The following UCK2 variants were observed in gnomAD, a reference collection of about 807,000 sequenced individuals.
UCK2 encodes the protein uridine-cytidine kinase 2, also known as cytidine monophosphokinase 2.
Under a neutral mutation model 30.8 loss-of-function variants are expected in UCK2, and 6 were observed. That is an observed-to-expected ratio of 0.19 (90% CI 0.11 to 0.38). The LOEUF is 0.38. UCK2 is among the 10% of genes least tolerant of loss of function. UCK2 has a pLI of 1.00. For missense variants in UCK2, 210 were observed against 339.8 expected (o/e 0.62, Z 3.00); for synonymous variants, 125 against 133.6 (o/e 0.94, Z 0.45).
intron 1 of UCK2, among the ~76,000 whole-genome samples, chr1:165,835,892 C>T (rs1030953481): frequency 3.3e-5 from 5 of 152,206 alleles, no homozygotes; most frequent in South Asian, 2.1e-4. Context: ...TATTTCTTTT[C>T]GATTGCATTA....
chr1:165,860,054 A>G (rs1464330586), intron 1 of UCK2, among the ~76,000 whole-genome samples: 4 of 152,148 alleles, frequency 2.6e-5, no homozygotes, highest in Non-Finnish European at 5.9e-5. Context: ...TCAAGCCACC[A>G]TCATATTTTG....
At chr1:165,896,146 A>G (rs1441087783) in intron 3 of UCK2, 44 bp from the exon 4 acceptor site, 1 of 1,611,624 alleles carries the variant, frequency 6.2e-7, no homozygotes, top group Non-Finnish European at 8.5e-7. Flanking sequence ...GTCCCTTGCT[A>G]GCCCCTGCCT....
intron 1 of UCK2, among the ~76,000 whole-genome samples, chr1:165,845,431 T>C (rs1406046239): frequency 6.6e-6 from 1 of 152,212 alleles, no homozygotes; most frequent in Non-Finnish European, 1.5e-5. Context: ...GTAGTACTTA[T>C]AAAATGAATG....
chr1:165,848,679 C>T (rs1471891928), intron 1 of UCK2, among the ~76,000 whole-genome samples: 1 of 151,756 alleles, frequency 6.6e-6, no homozygotes, highest in Non-Finnish European at 1.5e-5. Context: ...CACACACACC[C>T]CCAAAAACCC....
chr1:165,856,740 T>C (rs1450304258), intron 1 of UCK2, among the ~76,000 whole-genome samples: 2 of 152,158 alleles, frequency 1.3e-5, no homozygotes, highest in African/African-American at 2.4e-5. Flanking sequence ...GTCTTAGGCT[T>C]ATCCAGTGGG....
chr1:165,896,892 C>G (rs988664399), intron 4 of UCK2, among the ~76,000 whole-genome samples: 1 of 152,192 alleles, frequency 6.6e-6, no homozygotes, highest in Non-Finnish European at 1.5e-5. Flanking sequence ...TGTGCTAAGT[C>G]CCTGTGCTTG....
At chr1:165,885,349 A>G (rs1377299427) in intron 1 of UCK2, 1 of 398,470 alleles carries the variant, frequency 2.5e-6, no homozygotes, top group African/African-American at 2.1e-5. Flanking sequence ...TTGTAATGGA[A>G]TTAAATGAGA....
chr1:165,827,705 G>T lies in UCK2; in HGVS notation c.-129G>T. 1 of 813,916 alleles carries T rather than the reference G, an allele frequency of 1.2e-6. No homozygotes were observed. 50.4% of individuals were successfully genotyped at this position (813,916 alleles called of 1,614,324 possible). On this transcript the variant is annotated 5_prime_UTR_variant, in exon 1 of 7. Transcript: ENST00000367879. The stretch of plus-strand genomic sequence containing the variant: ...ACCGGGCTCCGAGCGGCTCGCAGGC[G>T]AGCGACAGCGGCCTCAGCCCCGGCA...
Position 165,908,514 on chromosome 1 carries a change from GTCT to G in UCK2, c.*695_*697del. ...GGAAGAGGCCCACTGAGGAGAACAA[GTCT>G]TCTGCATTTTCTTCCTGCCCTGCTC... is the stretch of plus-strand genomic sequence containing the variant. On this transcript the variant is annotated 3_prime_UTR_variant, in exon 7 of 7. Transcript: ENST00000367879. 6.7e-6 allele frequency: 1 copy of G among 149,264 alleles called. No homozygotes were observed. Among genetic ancestry groups the G allele is most frequent in the East Asian group, 2.0e-4 (1 of 5,082 alleles). The allele number at this position is 149,264 out of a possible 1,614,324, so 9.2% of individuals were successfully genotyped here. A position where few individuals can be genotyped will look rare whatever the true frequency, so the allele number is the denominator to read the frequency against.
intron 1 of UCK2, among the ~76,000 whole-genome samples, chr1:165,887,812 G>A (rs1335637909): frequency 1.3e-5 from 2 of 151,936 alleles, no homozygotes; most frequent in Non-Finnish European, 2.9e-5. Context: ...GAGAGCCTTG[G>A]TTTTGTAACA....
intron 1 of UCK2, among the ~76,000 whole-genome samples, chr1:165,863,879 A>G (rs919267531): frequency 2.0e-5 from 3 of 152,210 alleles, no homozygotes; most frequent in African/African-American, 7.2e-5. Context: ...CATGTATTAT[A>G]TATCACTTAT....
chr1:165,859,566 A>G lies in UCK2; in HGVS notation c.100-30638A>G, dbSNP rs145956315. Among the ~76,000 whole-genome samples, 462 of 152,216 alleles carry G rather than the reference A, an allele frequency of 3.0e-3. 3 individuals carry two copies. Among genetic ancestry groups the G allele is most frequent in the African/African-American group, 0.011 (441 of 41,510 alleles). The stretch of plus-strand genomic sequence containing the variant: ...CCGGGAGCTGTGGCTCACGTCTGTA[A>G]TCCTAGCACTTTGGGAGGCCAGGGT... On this transcript the variant is annotated intron_variant, in intron 1 of 6. Coordinates refer to ENST00000367879, the MANE Select transcript of UCK2 (RefSeq NM_012474.5).
rs993342994 is a variant in UCK2 at position 165,833,672 on chromosome 1, T to G, written c.99+5740T>G. 3.9e-5 allele frequency among the ~76,000 whole-genome samples: 6 copies of G among 152,302 alleles called. No individual in the cohort carries two copies. The South Asian group carries it at 6.2e-4, about 16-fold the overall frequency. ...TTCTGTGATGGAGACAGATTGTCTT[T>G]GGGAATTTCACTGCTGAAGACCTGA... On this transcript the variant is annotated intron_variant, in intron 1 of 6. Transcript: ENST00000367879.
chr1:165,902,388 T>C (rs1032771722), intron 4 of UCK2, among the ~76,000 whole-genome samples: 7 of 151,142 alleles, frequency 4.6e-5, no homozygotes, highest in Non-Finnish European at 8.8e-5. Flanking sequence ...CTACAACCTG[T>C]GTGACAGAGC....
chr1:165,852,672 A>G (rs1194547404), intron 1 of UCK2, among the ~76,000 whole-genome samples: 1 of 152,214 alleles, frequency 6.6e-6, no homozygotes, highest in Non-Finnish European at 1.5e-5. Context: ...GGGGACCCAT[A>G]TATTTAGTCC....
intron 4 of UCK2, chr1:165,902,543 C>G (rs1571301589): frequency 1.3e-5 from 2 of 149,080 alleles, no homozygotes; most frequent in East Asian, 2.0e-4. Flanking sequence ...TCATCTCAGC[C>G]CCAGCCCACC....
At chr1:165,883,049 C>T (rs924412635) in intron 1 of UCK2, among the ~76,000 whole-genome samples, 21 of 152,284 alleles carry the variant, frequency 1.4e-4, no homozygotes, top group African/African-American at 4.8e-4. Flanking sequence ...TGGTCTTGAT[C>T]TCTTGACCTC....
Position 165,907,995 on chromosome 1 carries a change from A to G in UCK2, c.*172A>G, listed in dbSNP as rs1248564929. 1.0e-6 allele frequency: 1 copy of G among 952,950 alleles called. No homozygotes were observed. 59.0% of individuals were successfully genotyped at this position (952,950 alleles called of 1,614,324 possible). A position where few individuals can be genotyped will look rare whatever the true frequency, so the allele number is the denominator to read the frequency against. On this transcript the variant is annotated 3_prime_UTR_variant, in exon 7 of 7. Transcript: ENST00000367879. ...TTTTGTACTTTGGAACGACAAAATG[A>G]AACAGAACTTGACCCTGAGCTTAAA...
chr1:165,839,499 A>G lies in UCK2; in HGVS notation c.99+11567A>G, dbSNP rs544409703. On this transcript the variant is annotated intron_variant, in intron 1 of 6. Coordinates refer to ENST00000367879, the MANE Select transcript of UCK2 (RefSeq NM_012474.5). ...GGGAAGAACTCAGTCCTAGCCTGCC[A>G]TGAGGCTCTTCTTGCTGGGTCTTGG... 4.0e-5 allele frequency among the ~76,000 whole-genome samples: 6 copies of G among 151,860 alleles called. 1 individual carries two copies. Among genetic ancestry groups the G allele is most frequent in the African/African-American group, 1.2e-4 (5 of 41,400 alleles).
Sources: gnomAD v4.1 joint callset for allele counts (sites outside exome capture counted in the v4.1 genomes callset) on GRCh38, gnomAD v4.1.1 for gene constraint, MANE v1.5 for transcripts, NCBI Gene and HGNC (gene_info 2026-07-23, HGNC 2026-07-21) for gene names.